The following TATDN1 variants were observed in gnomAD, a reference collection of about 807,000 sequenced individuals.
TATDN1 encodes the protein TatD DNase domain containing 1.
TATDN1 carries 40 observed loss-of-function variants against 46.4 expected under a neutral mutation model. That is an observed-to-expected ratio of 0.86 (90% CI 0.67 to 1.12). TATDN1 has a LOEUF of 1.12. TATDN1 is among the 50% of genes most tolerant of loss of function. The probability of loss-of-function intolerance (pLI) is 0.00; values close to 1 mark genes in which losing one functional copy is unlikely to be tolerated. For missense variants in TATDN1, 326 were observed against 348.4 expected, an observed-to-expected ratio of 0.94 and a Z score of 0.51; for synonymous variants, 95 against 105.6, an observed-to-expected ratio of 0.90 and a Z score of 0.62.
intron 3 of TATDN1, among the ~76,000 whole-genome samples, chr8:124,520,942 C>CAAAAAA (rs1162309758): frequency 1.8e-4 from 15 of 82,220 alleles, no homozygotes; most frequent in Admixed American, 2.8e-4. Context: ...GACTCCGTCT[C>CAAAAAA]AAAAAAAAAA....
intron 6 of TATDN1, among the ~76,000 whole-genome samples, chr8:124,514,304 G>A (rs1056770638): frequency 2.0e-5 from 3 of 152,028 alleles, no homozygotes; most frequent in African/African-American, 7.2e-5. Flanking sequence ...TTCCTCATGC[G>A]TAATTTAAAA....
At chr8:124,535,286 T>A (rs1466551251) in intron 1 of TATDN1, among the ~76,000 whole-genome samples, 1 of 152,254 alleles carries the variant, frequency 6.6e-6, no homozygotes, top group African/African-American at 2.4e-5. Context: ...ACGTATTTAC[T>A]ATTACATCAC....
chr8:124,498,702 G>A (rs961774087), intron 9 of TATDN1, among the ~76,000 whole-genome samples: 4 of 152,118 alleles, frequency 2.6e-5, no homozygotes, highest in Non-Finnish European at 4.4e-5. Context: ...CTGGGCTGGA[G>A]TGCAATGGTG....
At chr8:124,498,044 C>A (rs1048562417) in intron 9 of TATDN1, among the ~76,000 whole-genome samples, 11 of 152,088 alleles carry the variant, frequency 7.2e-5, no homozygotes, top group Admixed American at 7.2e-4. Flanking sequence ...CATCTCAAAT[C>A]CCACTATGTT....
At chr8:124,518,493 C>T (rs1413422279) in intron 4 of TATDN1, among the ~76,000 whole-genome samples, 4 of 146,192 alleles carry the variant, frequency 2.7e-5, no homozygotes, top group Non-Finnish European at 5.9e-5. Context: ...CACTGCACTT[C>T]AGCCTGGGTA....
chr8:124,495,481 T>G lies in TATDN1; in HGVS notation c.655A>C (p.Ile219Leu). 5.0e-6 allele frequency: 8 copies of G among 1,607,756 alleles called. No individual in the cohort carries two copies. In the East Asian group the frequency reaches 1.8e-4, roughly 36 times the overall value. ...CTGAAAACAAACTTACCTGTCTCAA[T>G]CATTAATTTTTCACTAGGAATTGAC... is the stretch of plus-strand genomic sequence containing the variant. ...LKSIPSEKLM[I>L]ETDAPWCGVK... The change falls in exon 10 of 12, where the codon ATT becomes CTT. Residue 219 changes from isoleucine to leucine, a missense_variant. Physicochemically the swap from Ile to Leu is conservative, Grantham distance 5. Transcript: ENST00000276692.
At chr8:124,499,346 A>G (rs987478229) in intron 9 of TATDN1, among the ~76,000 whole-genome samples, 2 of 152,190 alleles carry the variant, frequency 1.3e-5, no homozygotes, top group African/African-American at 4.8e-5. Context: ...AAATTTTCAG[A>G]TTATTTGTAT....
chr8:124,523,012 G>A lies in TATDN1; in HGVS notation c.23-10C>T. On this transcript the variant is annotated splice_polypyrimidine_tract_variant and intron_variant, in intron 1 of 11. Transcript: ENST00000276692. Reference sequence around the variant, plus strand: ...AAGTTGATACCAATATCTGTAGAAAGCAAAAGTCACTGATTAATTATTGAG... The same window carrying A: ...AAGTTGATACCAATATCTGTAGAAAACAAAAGTCACTGATTAATTATTGAG... The A allele has an allele frequency of 6.2e-7, 1 of 1,609,336 alleles. No individual in the cohort carries two copies. Among genetic ancestry groups the A allele is most frequent in the Non-Finnish European group, 8.5e-7 (1 of 1,176,914 alleles).
chr8:124,494,581 G>A (rs951529156), intron 10 of TATDN1: 1 of 151,998 alleles, frequency 6.6e-6, no homozygotes, highest in Non-Finnish European at 1.5e-5. Flanking sequence ...GTCTCACTCT[G>A]TCTCCAAGGC....
intron 11 of TATDN1, among the ~76,000 whole-genome samples, chr8:124,493,264 TTTAAA>T (rs1234085348): frequency 6.6e-6 from 1 of 152,228 alleles, no homozygotes; most frequent in Non-Finnish European, 1.5e-5. Context: ...TCTAGATTAA[TTTAAA>T]TTATCTGTTT....
At chr8:124,497,275 CTTCT>C (rs1293063426) in intron 9 of TATDN1, among the ~76,000 whole-genome samples, 12 of 145,934 alleles carry the variant, frequency 8.2e-5, no homozygotes, top group African/African-American at 2.7e-4. Flanking sequence ...TCTGTATTTC[CTTCT>C]TTCTTCTTCT....
chr8:124,519,713 G>C (rs1819861697), intron 3 of TATDN1, among the ~76,000 whole-genome samples: 2 of 152,214 alleles, frequency 1.3e-5, no homozygotes, highest in Non-Finnish European at 2.9e-5. Context: ...GAATCAGTGA[G>C]TTAATGCATG....
chr8:124,488,955 T>TCTG, intron 11 of TATDN1: 1 of 401,416 alleles, frequency 2.5e-6, no homozygotes, highest in Non-Finnish European at 4.5e-6. Context: ...CTGTATTATG[T>TCTG]TCACCAATTA....
rs1818714085 is a variant in TATDN1 at position 124,508,565 on chromosome 8, A to T, written c.475+38T>A. ...TAGCAAATAGCTTGATTTCTACAAA[A>T]TTCTTAAGTTCTGAATGAGACTTTG... is the stretch of plus-strand genomic sequence containing the variant. On this transcript the variant is annotated intron_variant, in intron 7 of 11. Coordinates refer to ENST00000276692, the MANE Select transcript of TATDN1 (RefSeq NM_032026.4). 1.9e-6 allele frequency: 3 copies of T among 1,608,210 alleles called. No individual in the cohort carries two copies. In the South Asian group the frequency reaches 3.3e-5, roughly 18 times the overall value.
At chr8:124,491,602 A>C (rs1256660227) in intron 11 of TATDN1, 1 of 152,270 alleles carries the variant, frequency 6.6e-6, no homozygotes, top group Non-Finnish European at 1.5e-5. Context: ...TGAATGCCTT[A>C]TCTAAAGTGC....
chr8:124,513,469 T>C (rs1819203494), intron 6 of TATDN1, among the ~76,000 whole-genome samples: 1 of 152,182 alleles, frequency 6.6e-6, no homozygotes, highest in African/African-American at 2.4e-5. Flanking sequence ...TATTCTTCTT[T>C]GTATCATGCT....
At chr8:124,508,076 C>G (rs1190132562) in intron 8 of TATDN1, among the ~76,000 whole-genome samples, 4 of 152,164 alleles carry the variant, frequency 2.6e-5, no homozygotes, top group Admixed American at 2.0e-4. Flanking sequence ...TAGGGGCCAT[C>G]CTTAATAACC....
At chr8:124,499,973 T>C (rs1477195909) in intron 9 of TATDN1, among the ~76,000 whole-genome samples, 1 of 151,924 alleles carries the variant, frequency 6.6e-6, no homozygotes, top group East Asian at 1.9e-4. Flanking sequence ...GCCTCCCGAG[T>C]AGCTGGGACT....
chr8:124,515,367 AGACTCT>A (rs1819373026), intron 6 of TATDN1, among the ~76,000 whole-genome samples: 1 of 152,166 alleles, frequency 6.6e-6, no homozygotes, highest in Non-Finnish European at 1.5e-5. Context: ...GGCGACAGAG[AGACTCT>A]GTCTCAAAAA....
Sources: allele counts gnomAD v4.1 joint callset (sites outside exome capture counted in the v4.1 genomes callset), GRCh38; gene constraint gnomAD v4.1.1; transcripts MANE v1.5; gene names NCBI Gene and HGNC (gene_info 2026-07-23, HGNC 2026-07-21).